Variants in CNTNAP5 observed in about 807,000 individuals in gnomAD.
CNTNAP5 encodes contactin associated protein family member 5.
Under a neutral mutation model 150.2 loss-of-function variants are expected in CNTNAP5, and 72 were observed. The observed-to-expected ratio is 0.48, with a 90% confidence interval of 0.40 to 0.58. The LOEUF (loss-of-function observed/expected upper bound fraction) is 0.58, where lower values mean the gene tolerates loss of function less well. Ranked by LOEUF, CNTNAP5 falls within the 20% of genes least tolerant of loss-of-function variation. CNTNAP5 has a pLI of 0.00. For synonymous variants in CNTNAP5, 672 were observed against 619.8 expected (o/e 1.08, Z -1.25); for missense variants, 1,636 against 1,626.2 (o/e 1.01, Z -0.10).
intron 21 of CNTNAP5, among the ~76,000 whole-genome samples, chr2:124,897,975 G>GTGTGTA (rs1678341810): frequency 7.4e-6 from 1 of 136,048 alleles, no homozygotes; most frequent in African/African-American, 2.8e-5. Flanking sequence ...GTGTGTGTGT[G>GTGTGTA]TGTATGTGTG....
At chr2:124,078,591 G>A (rs2104671989) in intron 1 of CNTNAP5, among the ~76,000 whole-genome samples, 1 of 152,312 alleles carries the variant, frequency 6.6e-6, no homozygotes, top group East Asian at 1.9e-4. Flanking sequence ...GGAATCTTCA[G>A]TTTTGAACAA....
At chr2:124,198,981 G>A (rs1685655043) in intron 1 of CNTNAP5, among the ~76,000 whole-genome samples, 1 of 151,710 alleles carries the variant, frequency 6.6e-6, no homozygotes, top group South Asian at 2.1e-4. Flanking sequence ...GTGTCTGGTA[G>A]TCTTATTTTG....
chr2:124,845,064 G>C (rs571977805), intron 19 of CNTNAP5, among the ~76,000 whole-genome samples: 2 of 152,118 alleles, frequency 1.3e-5, no homozygotes, highest in East Asian at 3.9e-4. Context: ...CCAGTTCTCA[G>C]GGGGAATACT....
chr2:124,298,511 T>C (rs62170986), intron 3 of CNTNAP5, among the ~76,000 whole-genome samples: 49,498 of 152,064 alleles, frequency 0.33, 8,333 homozygotes, highest in Non-Finnish European at 0.36. Flanking sequence ...TAACTTCCTC[T>C]AAACTATAAC....
chr2:124,342,430 C>A (rs761177666), intron 3 of CNTNAP5, among the ~76,000 whole-genome samples: 1 of 152,158 alleles, frequency 6.6e-6, no homozygotes, highest in Non-Finnish European at 1.5e-5. Flanking sequence ...ATGGCAGCCC[C>A]GTGAACCGTG....
intron 10 of CNTNAP5, among the ~76,000 whole-genome samples, chr2:124,545,476 GA>G (rs1466890178): frequency 8.5e-5 from 13 of 152,140 alleles, no homozygotes; most frequent in African/African-American, 3.1e-4. Context: ...CCTAAAGGAA[GA>G]AAAGATATTG....
chr2:124,635,185 A>G (rs1253286668), intron 12 of CNTNAP5, among the ~76,000 whole-genome samples: 2 of 152,280 alleles, frequency 1.3e-5, no homozygotes, highest in East Asian at 1.9e-4. Flanking sequence ...GAAACTTTCA[A>G]TCGTAATGGA....
chr2:124,527,170 C>A, intron 9 of CNTNAP5, 115 bp from the exon 10 acceptor site: 1 of 791,732 alleles, frequency 1.3e-6, no homozygotes, highest in Non-Finnish European at 2.0e-6. Context: ...GTGTGCACTG[C>A]TGTGAATGAG....
intron 17 of CNTNAP5, among the ~76,000 whole-genome samples, chr2:124,777,586 T>C (rs145161429): frequency 5.8e-4 from 89 of 152,288 alleles, no homozygotes; most frequent in African/African-American, 2.1e-3. Context: ...TTTCACCTTG[T>C]TGCCCAGGCT....
chr2:124,245,756 G>T (rs1009054099), intron 3 of CNTNAP5, among the ~76,000 whole-genome samples: 1 of 151,368 alleles, frequency 6.6e-6, no homozygotes, highest in South Asian at 2.1e-4. Context: ...TGGAGAAAGG[G>T]TCTTACTCTG....
intron 1 of CNTNAP5, among the ~76,000 whole-genome samples, chr2:124,151,189 G>C (rs916807732): frequency 1.7e-4 from 26 of 152,140 alleles, no homozygotes; most frequent in African/African-American, 6.0e-4. Flanking sequence ...CATGATATGG[G>C]GTGAATTGGG....
At chr2:124,568,770 G>A (rs1390626990) in intron 11 of CNTNAP5, among the ~76,000 whole-genome samples, 3 of 152,164 alleles carry the variant, frequency 2.0e-5, no homozygotes, top group African/African-American at 7.2e-5. Flanking sequence ...TTCTGGCCGG[G>A]CGCGGTGGCT....
At chr2:124,503,298 G>A (rs1694319540) in intron 7 of CNTNAP5, among the ~76,000 whole-genome samples, 3 of 152,174 alleles carry the variant, frequency 2.0e-5, no homozygotes, top group Admixed American at 2.0e-4. Context: ...GGCACCTACG[G>A]ATGTTCTTCC....
intron 13 of CNTNAP5, among the ~76,000 whole-genome samples, chr2:124,652,012 G>A (rs11893997): frequency 0.019 from 2,831 of 152,250 alleles, 84 homozygotes; most frequent in African/African-American, 0.065. Flanking sequence ...GGATAAGGTC[G>A]TGCATGGGTC....
chr2:124,304,773 G>C (rs895853473), intron 3 of CNTNAP5, among the ~76,000 whole-genome samples: 1 of 152,088 alleles, frequency 6.6e-6, no homozygotes, highest in Non-Finnish European at 1.5e-5. Flanking sequence ...ATTTTCAAAA[G>C]TATTCTCAGG....
At chr2:124,426,351 T>A (rs1451191553) in intron 4 of CNTNAP5, among the ~76,000 whole-genome samples, 11 of 152,154 alleles carry the variant, frequency 7.2e-5, no homozygotes. Flanking sequence ...AGTCACAGAA[T>A]TGGTGGAGGA....
intron 4 of CNTNAP5, among the ~76,000 whole-genome samples, chr2:124,418,996 C>T (rs1292775960): frequency 3.4e-5 from 5 of 148,764 alleles, no homozygotes; most frequent in African/African-American, 7.4e-5. Flanking sequence ...TAGCCGGGCG[C>T]GGTGGCGGGC....
chr2:124,075,248 C>T (rs979162239), intron 1 of CNTNAP5, among the ~76,000 whole-genome samples: 91 of 152,184 alleles, frequency 6.0e-4, no homozygotes, highest in African/African-American at 2.1e-3. Flanking sequence ...ATACAACTTA[C>T]TACACAAAGC....
At chr2:124,557,444 G>A (rs1695784310) in intron 10 of CNTNAP5, among the ~76,000 whole-genome samples, 1 of 152,156 alleles carries the variant, frequency 6.6e-6, no homozygotes, top group Non-Finnish European at 1.5e-5. Context: ...GCAAGGCTGT[G>A]ACAAACTGAA....
Sources: allele counts gnomAD v4.1 joint callset (sites outside exome capture counted in the v4.1 genomes callset), GRCh38; gene constraint gnomAD v4.1.1; transcripts MANE v1.5; gene names NCBI Gene and HGNC (gene_info 2026-07-23, HGNC 2026-07-21).